Variants in MRPS27 observed in about 807,000 individuals in gnomAD.
MRPS27 encodes small ribosomal subunit protein mS27.
A neutral mutation model predicts 48.9 loss-of-function variants in MRPS27; 43 were observed. The ratio of observed to expected loss-of-function variants is 0.88; its 90% CI spans 0.69 to 1.13. The LOEUF is 1.13. Among genes scored for constraint, MRPS27 ranks in the 50% most tolerant of loss-of-function variants. MRPS27 has a pLI of 0.00. For missense variants in MRPS27, 467 were observed against 476.3 expected, an observed-to-expected ratio of 0.98 and a Z score of 0.18; for synonymous variants, 188 against 171.9, an observed-to-expected ratio of 1.09 and a Z score of -0.73.
chr5:72,241,578 A>G, intron 4 of MRPS27: 1 of 1,429,644 alleles, frequency 7.0e-7, no homozygotes, highest in South Asian at 1.2e-5. Flanking sequence ...TCAGACAAAT[A>G]AATGTGGGGA....
At chr5:72,234,287 T>C in intron 5 of MRPS27, 90 bp from the exon 6 acceptor site, 1 of 1,081,784 alleles carries the variant, frequency 9.2e-7, no homozygotes, top group Non-Finnish European at 1.2e-6. Context: ...AGAATAAAAC[T>C]TGCCACCATT....
At chr5:72,276,484 T>C (rs1022203982) in intron 4 of MRPS27, among the ~76,000 whole-genome samples, 3 of 152,072 alleles carry the variant, frequency 2.0e-5, no homozygotes, top group Admixed American at 2.0e-4. Context: ...CGAGGCAGTA[T>C]CATTCAGGAC....
At position 72,266,998 on chromosome 5, in the gene MRPS27, G is replaced by A. The variant is rs546016200; in HGVS notation, c.281+28533C>T. 3.9e-5 allele frequency among the ~76,000 whole-genome samples: 6 copies of A among 152,288 alleles called. No individual in the cohort carries two copies. In the South Asian group the frequency reaches 1.2e-3, roughly 32 times the overall value. On this transcript the variant is annotated intron_variant, in intron 4 of 10. Transcript: ENST00000261413. The stretch of plus-strand genomic sequence containing the variant: ...AAGTGAGGCTCAGGGCTTCAGAGAT[G>A]GCTATCTACAGAGCAGTGTCCCTTT...
chr5:72,241,979 G>A (rs1018005136), intron 4 of MRPS27, among the ~76,000 whole-genome samples: 3 of 152,162 alleles, frequency 2.0e-5, no homozygotes, highest in Non-Finnish European at 2.9e-5. Flanking sequence ...TGCTCATGAA[G>A]GCTAAAGGTA....
rs770334929 is a variant in MRPS27, at chr5:72,234,201, T to C, written c.397-4A>G. 3 of 1,486,794 alleles carry C rather than the reference T, an allele frequency of 2.0e-6. No homozygotes were observed. The highest frequency in any genetic ancestry group is 1.5e-5 in the African/African-American group (1 of 68,618). The allele number at this position is 1,486,794 out of a possible 1,614,324, so 92.1% of individuals were successfully genotyped here. The stretch of plus-strand genomic sequence containing the variant: ...CTGGAAAAATTCCATATTGAACCTA[T>C]AATGAAAATGAACATAACAGGAAAA... On this transcript the variant is annotated splice_polypyrimidine_tract_variant and splice_region_variant and intron_variant, in intron 5 of 10. Transcript: ENST00000261413.
At chr5:72,225,627 G>T (rs1276949387) in intron 9 of MRPS27, among the ~76,000 whole-genome samples, 1 of 152,144 alleles carries the variant, frequency 6.6e-6, no homozygotes, top group Non-Finnish European at 1.5e-5. Context: ...ACACAGAATG[G>T]TTTAAGATGG....
intron 7 of MRPS27, among the ~76,000 whole-genome samples, chr5:72,229,813 T>C (rs1328010267): frequency 1.3e-5 from 2 of 152,232 alleles, no homozygotes; most frequent in East Asian, 1.9e-4. Flanking sequence ...CTGGAACTAC[T>C]GCTGCTTATA....
At chr5:72,313,463 T>G (rs927751142) in intron 2 of MRPS27, among the ~76,000 whole-genome samples, 1 of 152,230 alleles carries the variant, frequency 6.6e-6, no homozygotes. Flanking sequence ...ACCAAAAGTC[T>G]AAAGTATGCA....
At position 72,221,142 on chromosome 5, in the gene MRPS27, G is replaced by A. The variant is rs753641106; in HGVS notation, c.1012C>T (p.His338Tyr). ...TTGCCCAGAGCTTGAAGCTTAGAAT[G>A]TAAGGCCTGTTGGAAACAAATGGGA... ...PQYLERFKAL[H>Y]SKLQALGKIE... The change falls in exon 11 of 11, where the codon CAT becomes TAT. Residue 338 changes from histidine (H) to tyrosine (Y), a missense_variant. His to Tyr is a moderately conservative substitution (Grantham distance 83). Coordinates refer to ENST00000261413, the MANE Select transcript of MRPS27 (RefSeq NM_015084.3). 11 of 1,613,844 alleles carry A rather than the reference G, an allele frequency of 6.8e-6. No individual in the cohort carries two copies. The highest frequency in any genetic ancestry group is 1.3e-5 in the African/African-American group (1 of 74,900).
intron 4 of MRPS27, among the ~76,000 whole-genome samples, chr5:72,286,859 T>C (rs886700869): frequency 2.0e-5 from 3 of 152,188 alleles, no homozygotes; most frequent in Admixed American, 6.5e-5. Flanking sequence ...AAGCCGATCA[T>C]AGACCTAATT....
At chr5:72,243,964 A>G (rs1748434849) in intron 4 of MRPS27, among the ~76,000 whole-genome samples, 1 of 152,188 alleles carries the variant, frequency 6.6e-6, no homozygotes, top group Non-Finnish European at 1.5e-5. Flanking sequence ...AGCAAATTTT[A>G]TATAGGTAAC....
chr5:72,306,126 T>C (rs1390107586), intron 2 of MRPS27, among the ~76,000 whole-genome samples: 2 of 152,234 alleles, frequency 1.3e-5, no homozygotes, highest in East Asian at 3.8e-4. Flanking sequence ...TCATTCATCA[T>C]TTTTGCAAGT....
chr5:72,304,776 A>AT (rs1349743662), intron 2 of MRPS27, among the ~76,000 whole-genome samples: 3 of 152,218 alleles, frequency 2.0e-5, no homozygotes, highest in African/African-American at 7.2e-5. Context: ...TGAATCCTTT[A>AT]TTGAATCCTT....
intron 8 of MRPS27, 148 bp downstream of exon 8, chr5:72,228,118 G>T (rs1198187626): frequency 2.3e-5 from 16 of 684,978 alleles, no homozygotes. Flanking sequence ...TAACTGTAAG[G>T]CCATCAAGGT....
chr5:72,258,712 T>G (rs541842373), intron 4 of MRPS27, among the ~76,000 whole-genome samples: 1 of 152,314 alleles, frequency 6.6e-6, no homozygotes, highest in East Asian at 1.9e-4. Context: ...CCTCACCAGA[T>G]AGCAAACCTG....
At chr5:72,302,422 G>A (rs1005512548) in intron 2 of MRPS27, among the ~76,000 whole-genome samples, 8 of 152,178 alleles carry the variant, frequency 5.3e-5, no homozygotes, top group African/African-American at 1.7e-4. Flanking sequence ...AATCAAGCAC[G>A]TCAGTTATGT....
chr5:72,261,102 G>A (rs1008192934), intron 4 of MRPS27, among the ~76,000 whole-genome samples: 6 of 152,142 alleles, frequency 3.9e-5, no homozygotes, highest in African/African-American at 1.2e-4. Flanking sequence ...GGCCTCAAGT[G>A]ATCCGCCCAC....
intron 4 of MRPS27, among the ~76,000 whole-genome samples, chr5:72,238,581 T>C (rs1471056952): frequency 2.0e-5 from 3 of 152,204 alleles, no homozygotes; most frequent in Admixed American, 2.0e-4. Context: ...TGATACTTCC[T>C]GTGGCTCTTA....
At chr5:72,283,563 C>T (rs1453118131) in intron 4 of MRPS27, among the ~76,000 whole-genome samples, 1 of 152,144 alleles carries the variant, frequency 6.6e-6, no homozygotes, top group Non-Finnish European at 1.5e-5. Flanking sequence ...CAGAGGTCAT[C>T]TGGTCTAAAA....
Sources: allele counts gnomAD v4.1 joint callset (sites outside exome capture counted in the v4.1 genomes callset), GRCh38; gene constraint gnomAD v4.1.1; transcripts MANE v1.5; gene names NCBI Gene and HGNC (gene_info 2026-07-23, HGNC 2026-07-21).